Variants in STK31 observed in about 807,000 individuals in gnomAD.
STK31 encodes serine/threonine kinase 31, also known as serine/threonine-protein kinase 31.
Under a neutral mutation model 129.7 loss-of-function variants are expected in STK31, and 89 were observed. The observed-to-expected ratio is 0.69, with a 90% CI of 0.58 to 0.82. The LOEUF (loss-of-function observed/expected upper bound fraction) is 0.82, where lower values mean the gene tolerates loss of function less well. Among genes scored for constraint, STK31 ranks in the 40% least tolerant of loss-of-function variants. The probability of loss-of-function intolerance (pLI) is 0.00; values close to 1 mark genes in which losing one functional copy is unlikely to be tolerated. For missense variants in STK31, 1,187 were observed against 1,176.4 expected (o/e 1.01, Z -0.13); for synonymous variants, 448 against 395.3 (o/e 1.13, Z -1.58).
In STK31 at chr7:23,762,783, CT is replaced by C. The variant is rs751272560; in HGVS notation, c.1294-11del. 2.5e-6 allele frequency: 4 copies of C among 1,606,256 alleles called. No individual in the cohort carries two copies. Among genetic ancestry groups the C allele is most frequent in the African/African-American group, 1.3e-5 (1 of 74,532 alleles). On this transcript the variant is annotated splice_polypyrimidine_tract_variant and intron_variant, in intron 10 of 23. Transcript: ENST00000355870. ...ACCTGATGTATTAATGATGGTTATT[CT>C]TTTTTTCTTCCTCCAGAGTGAAGGG...
intron 16 of STK31, 48 bp from the exon 17 acceptor site, chr7:23,783,535 T>C: frequency 7.3e-7 from 1 of 1,376,940 alleles, no homozygotes; most frequent in Non-Finnish European, 1.0e-6. Flanking sequence ...ATGTCAAAAT[T>C]GAATATATAT....
chr7:23,762,153 G>C (rs955500912), intron 10 of STK31, among the ~76,000 whole-genome samples: 1 of 151,570 alleles, frequency 6.6e-6, no homozygotes, highest in Non-Finnish European at 1.5e-5. Flanking sequence ...AGTTACATAT[G>C]TATACATGTG....
intron 23 of STK31, among the ~76,000 whole-genome samples, chr7:23,829,333 A>G (rs79494985): frequency 0.061 from 9,259 of 152,224 alleles, 398 homozygotes; most frequent in East Asian, 0.12. Flanking sequence ...TTTATCATAA[A>G]GGGATGTTTT....
chr7:23,769,324 G>T, intron 12 of STK31, 150 bp downstream of exon 12: 1 of 702,224 alleles, frequency 1.4e-6, no homozygotes, highest in South Asian at 3.9e-5. Flanking sequence ...TTCTTTATTA[G>T]CTTTTAGTCA....
chr7:23,763,218 TTGCA>T (rs1164931861), intron 11 of STK31, among the ~76,000 whole-genome samples: 1 of 152,134 alleles, frequency 6.6e-6, no homozygotes, highest in East Asian at 1.9e-4. Context: ...CTATCGTCCA[TTGCA>T]TTCTAGCAGA....
intron 22 of STK31, among the ~76,000 whole-genome samples, chr7:23,808,832 C>T (rs918033227): frequency 6.6e-6 from 1 of 151,904 alleles, no homozygotes; most frequent in African/African-American, 2.4e-5. Context: ...GGCAGTTTTT[C>T]GTTTGGTGTG....
At chr7:23,830,247 T>A (rs928532484) in intron 23 of STK31, among the ~76,000 whole-genome samples, 19 of 152,256 alleles carry the variant, frequency 1.2e-4, no homozygotes, top group South Asian at 2.1e-4. Flanking sequence ...TTTAAAAAAA[T>A]TTTTTTTGTG....
chr7:23,820,856 C>A (rs1319031191), intron 23 of STK31, among the ~76,000 whole-genome samples: 3 of 152,166 alleles, frequency 2.0e-5, no homozygotes, highest in Admixed American at 6.5e-5. Context: ...AATTTAATTC[C>A]TTTTTTATGG....
At chr7:23,756,474 A>G (rs1789091981) in intron 10 of STK31, among the ~76,000 whole-genome samples, 1 of 152,146 alleles carries the variant, frequency 6.6e-6, no homozygotes, top group African/African-American at 2.4e-5. Flanking sequence ...TTCCTATTTG[A>G]ATACCCTTTA....
In STK31 at chr7:23,738,865, C is replaced by T. The variant is rs557221740; in HGVS notation, c.1017+1787C>T. Reference sequence around the variant, plus strand: ...TGTGCCCAGCCCACATTTTCTTTATCCAGTCTATCATTGATGGGCATTTGG... The same window carrying T: ...TGTGCCCAGCCCACATTTTCTTTATTCAGTCTATCATTGATGGGCATTTGG... On this transcript the variant is annotated intron_variant, in intron 8 of 23. Transcript: ENST00000355870. Among the ~76,000 whole-genome samples the T allele has an allele frequency of 2.0e-4, 30 of 152,254 alleles. No homozygotes were observed. In the South Asian group the frequency reaches 3.3e-3, roughly 17 times the overall value.
intron 23 of STK31, among the ~76,000 whole-genome samples, chr7:23,830,095 G>A (rs938322878): frequency 4.6e-5 from 7 of 151,494 alleles, no homozygotes; most frequent in African/African-American, 7.3e-5. Flanking sequence ...GACTACAGGC[G>A]CCCGCCACAA....
At chr7:23,810,865 TTA>T (rs1486633269) in intron 22 of STK31, among the ~76,000 whole-genome samples, 4 of 140,132 alleles carry the variant, frequency 2.9e-5, no homozygotes, top group Admixed American at 7.5e-5. Context: ...TAAATATATA[TTA>T]TATATAAATA....
chr7:23,715,171 C>G (rs1786227326), intron 3 of STK31, among the ~76,000 whole-genome samples: 1 of 151,768 alleles, frequency 6.6e-6, no homozygotes, highest in Non-Finnish European at 1.5e-5. Context: ...TACGCGTAGG[C>G]AGATTAGGAT....
chr7:23,739,917 A>G (rs1221182812), intron 8 of STK31, among the ~76,000 whole-genome samples: 2 of 152,108 alleles, frequency 1.3e-5, no homozygotes, highest in African/African-American at 4.8e-5. Flanking sequence ...TGATGTCTCC[A>G]GGTTTGTTCA....
intron 22 of STK31, among the ~76,000 whole-genome samples, chr7:23,807,426 C>A (rs1388884938): frequency 6.6e-6 from 1 of 152,136 alleles, no homozygotes; most frequent in Non-Finnish European, 1.5e-5. Context: ...TCATTTGAAT[C>A]ATTTCCTTTA....
At chr7:23,761,516 G>A (rs1003620240) in intron 10 of STK31, among the ~76,000 whole-genome samples, 4 of 151,434 alleles carry the variant, frequency 2.6e-5, no homozygotes, top group Non-Finnish European at 4.4e-5. Flanking sequence ...TGCCTTCCGG[G>A]TTCGTGCCAT....
chr7:23,828,447 G>T (rs935202493), intron 23 of STK31, among the ~76,000 whole-genome samples: 1 of 152,158 alleles, frequency 6.6e-6, no homozygotes, highest in East Asian at 1.9e-4. Context: ...TTGGAAAAGC[G>T]CAGTATTAGG....
intron 10 of STK31, among the ~76,000 whole-genome samples, chr7:23,762,037 T>C (rs1789500614): frequency 6.6e-6 from 1 of 151,500 alleles, no homozygotes; most frequent in Non-Finnish European, 1.5e-5. Context: ...GGCTTTTAAG[T>C]GTATGTGCCA....
chr7:23,788,080 T>G lies in STK31; in HGVS notation c.2588T>G (p.Leu863Ter). 6.2e-7 allele frequency: 1 copy of G among 1,612,802 alleles called. No homozygotes were observed. Among genetic ancestry groups the G allele is most frequent in the East Asian group, 2.2e-5 (1 of 44,836 alleles). The part of the protein sequence containing the change: ...GSLHQNNVFA[L>*]NREQGIVGDF... ...CTTCATCAGAACAATGTATTTGCTT[T>G]AAACCGTGAACAAGGAATTGTTGGA... The change falls in exon 21 of 24, where the codon TTA becomes TGA. Residue 863 changes from leucine (L) to a stop codon, truncating the protein, a stop_gained. Coordinates refer to ENST00000355870, the MANE Select transcript of STK31 (RefSeq NM_031414.5). LOFTEE classifies it high-confidence loss of function.
Sources: allele counts gnomAD v4.1 joint callset (sites outside exome capture counted in the v4.1 genomes callset), GRCh38; gene constraint gnomAD v4.1.1; transcripts MANE v1.5; gene names NCBI Gene and HGNC (gene_info 2026-07-23, HGNC 2026-07-21).